VPS13B: variants seen among roughly 807,000 people sequenced by gnomAD.
VPS13B encodes the protein intermembrane lipid transfer protein VPS13B.
VPS13B carries 285 observed loss-of-function variants against 426.4 expected under a neutral mutation model. The observed-to-expected ratio is 0.67, with a 90% CI of 0.61 to 0.74. VPS13B has a LOEUF of 0.74. Ranked by LOEUF, VPS13B falls within the 30% of genes least tolerant of loss-of-function variation. The pLI, the probability that VPS13B is intolerant of heterozygous loss-of-function variation, is 0.00. For missense variants in VPS13B, 4,537 were observed against 4,782.6 expected (o/e 0.95, Z 1.51); for synonymous variants, 1,676 against 1,676.4 (o/e 1.00, Z 0.01).
chr8:99,828,398 T>TG (rs1563495249), intron 51 of VPS13B, among the ~76,000 whole-genome samples: 1 of 34,796 alleles, frequency 2.9e-5, no homozygotes, highest in Non-Finnish European at 5.7e-5. Context: ...ACCACCGTTT[T>TG]TTTTTTTTTT....
At chr8:99,703,213 G>T (rs540054494) in intron 36 of VPS13B, among the ~76,000 whole-genome samples, 2 of 152,154 alleles carry the variant, frequency 1.3e-5, no homozygotes, top group East Asian at 3.9e-4. Context: ...GGAATGAAAC[G>T]AAATGGTTAA....
chr8:99,262,429 C>T (rs1029718477), intron 17 of VPS13B, among the ~76,000 whole-genome samples: 2 of 152,096 alleles, frequency 1.3e-5, no homozygotes, highest in African/African-American at 4.8e-5. Context: ...CAGTCTTTGT[C>T]ACCTATTGAA....
Position 99,251,005 on chromosome 8 carries a change from T to C in VPS13B, c.2516-23193T>C, listed in dbSNP as rs149010484. Among the ~76,000 whole-genome samples the C allele has an allele frequency of 1.3e-3, 195 of 152,322 alleles. 2 individuals are homozygous for C. Among genetic ancestry groups the C allele is most frequent in the African/African-American group, 4.4e-3 (182 of 41,576 alleles). ...TAATTTCTATTTTTATTTTATATCCTGTGACCTTATAAAACTAAGCTCACC... is the reference window on the plus strand; with the variant it reads ...TAATTTCTATTTTTATTTTATATCCCGTGACCTTATAAAACTAAGCTCACC... On this transcript the variant is annotated intron_variant, in intron 17 of 61. Coordinates refer to ENST00000357162, the MANE Select transcript of VPS13B (RefSeq NM_152564.5).
chr8:99,515,315 T>C (rs145686334), intron 29 of VPS13B, among the ~76,000 whole-genome samples: 137 of 152,308 alleles, frequency 9.0e-4, no homozygotes, highest in African/African-American at 3.2e-3. Context: ...CCTCAACTAA[T>C]TGTAATTGCA....
chr8:99,312,555 CTTCCCTTT>C (rs1821050610), intron 19 of VPS13B, among the ~76,000 whole-genome samples: 1 of 152,234 alleles, frequency 6.6e-6, no homozygotes, highest in Admixed American at 6.5e-5. Flanking sequence ...GTCCGATGGG[CTTCCCTTT>C]GTGGGTAACC....
intron 19 of VPS13B, among the ~76,000 whole-genome samples, chr8:99,365,886 T>A (rs1812851826): frequency 6.6e-6 from 1 of 152,098 alleles, no homozygotes; most frequent in Non-Finnish European, 1.5e-5. Flanking sequence ...TTTTCATATG[T>A]TCCCATGTTC....
At chr8:99,517,764 T>G (rs1822165374) in intron 29 of VPS13B, among the ~76,000 whole-genome samples, 1 of 152,134 alleles carries the variant, frequency 6.6e-6, no homozygotes, top group African/African-American at 2.4e-5. Context: ...TTCATTTTCA[T>G]GTTGAAAATA....
rs769248367 is a variant in VPS13B at position 99,868,447 on chromosome 8, G to A, written c.11374G>A (p.Val3792Met). 3 of 1,613,126 alleles carry A rather than the reference G, an allele frequency of 1.9e-6. No homozygotes were observed. The highest frequency in any genetic ancestry group is 1.1e-5 in the South Asian group (1 of 90,846). The stretch of plus-strand genomic sequence containing the variant: ...GCCCATCGGAGGAGCTGCTGAGCTG[G>A]TGTCACAGACTGGCTATGGTAAGTC... ...TKPIGGAAEL[V>M]SQTGYGILHG... Residue 3792 changes from valine to methionine, a missense_variant, in exon 59 of 62, where the codon GTG (valine) becomes ATG (methionine). Around this residue, in one of 2 missense-constraint regions of VPS13B, gnomAD observed 4,311 missense variants for 4,474.3 expected, o/e 0.96. Coordinates refer to ENST00000357162, the MANE Select transcript of VPS13B (RefSeq NM_152564.5).
chr8:99,795,193 C>T (rs1206553081), intron 43 of VPS13B, among the ~76,000 whole-genome samples: 1 of 152,186 alleles, frequency 6.6e-6, no homozygotes, highest in Non-Finnish European at 1.5e-5. Context: ...GCCTGGAAAT[C>T]TACTTAGCTA....
rs986818900 is a variant in VPS13B, at chr8:99,498,281, A to C, written c.3871-3406A>C. Among the ~76,000 whole-genome samples, 5 of 152,142 alleles carry C rather than the reference A, an allele frequency of 3.3e-5. No individual in the cohort carries two copies. In the East Asian group the frequency reaches 9.6e-4, roughly 29 times the overall value. ...ATTTGCATTCAAAAACAATCATTAA[A>C]ATTTTTAAACATTTTACTATTAAAA... On this transcript the variant is annotated intron_variant, in intron 25 of 61. Transcript: ENST00000357162.
At chr8:99,728,833 T>C (rs1013148885) in intron 39 of VPS13B, among the ~76,000 whole-genome samples, 11 of 152,162 alleles carry the variant, frequency 7.2e-5, no homozygotes, top group East Asian at 1.9e-4. Flanking sequence ...CTGGAAACAA[T>C]TGCAAATTGC....
chr8:99,340,533 G>C (rs1016156286), intron 19 of VPS13B: 1 of 473,492 alleles, frequency 2.1e-6, no homozygotes, highest in African/African-American at 2.0e-5. Context: ...AAATGTGAAG[G>C]GGGTGGAGGT....
intron 3 of VPS13B, among the ~76,000 whole-genome samples, chr8:99,089,526 G>A (rs960708765): frequency 2.0e-5 from 3 of 152,160 alleles, no homozygotes; most frequent in African/African-American, 4.8e-5. Context: ...GCAGGACAAC[G>A]TTAGGAGGAA....
intron 3 of VPS13B, among the ~76,000 whole-genome samples, chr8:99,044,853 T>TAC (rs60056711): frequency 0.065 from 9,139 of 139,698 alleles, 370 homozygotes; most frequent in East Asian, 0.16. Flanking sequence ...TTCCATTTTA[T>TAC]ACACACACAC....
At chr8:99,834,051 G>T (rs574019075) in intron 52 of VPS13B, among the ~76,000 whole-genome samples, 1 of 152,320 alleles carries the variant, frequency 6.6e-6, no homozygotes, top group African/African-American at 2.4e-5. Flanking sequence ...TTTACCAAAT[G>T]CTAATGGACC....
At chr8:99,105,524 G>A (rs901465755) in intron 5 of VPS13B, among the ~76,000 whole-genome samples, 7 of 151,996 alleles carry the variant, frequency 4.6e-5, no homozygotes, top group South Asian at 4.2e-4. Context: ...GACTCTAGGC[G>A]CCTGCCAGCA....
At chr8:99,228,285 G>C (rs1018664450) in intron 17 of VPS13B, among the ~76,000 whole-genome samples, 2 of 152,032 alleles carry the variant, frequency 1.3e-5, no homozygotes, top group Admixed American at 1.3e-4. Flanking sequence ...GGAATGTTTG[G>C]CTTGGTTTTT....
chr8:99,301,816 G>A (rs775877290), intron 19 of VPS13B, among the ~76,000 whole-genome samples: 63 of 151,982 alleles, frequency 4.1e-4, no homozygotes, highest in Non-Finnish European at 8.5e-4. Context: ...AAATACAGAT[G>A]GGGTCTCATT....
chr8:99,843,204 A>G (rs1052221723), intron 54 of VPS13B, among the ~76,000 whole-genome samples: 2 of 152,104 alleles, frequency 1.3e-5, no homozygotes, highest in Non-Finnish European at 2.9e-5. Context: ...GTGCTCTAAC[A>G]CAGATTCAAA....
Sources: allele counts gnomAD v4.1 joint callset (sites outside exome capture counted in the v4.1 genomes callset), GRCh38; gene constraint gnomAD v4.1.1; regional missense constraint gnomAD v4.1.1; transcripts MANE v1.5; gene names NCBI Gene and HGNC (gene_info 2026-07-23, HGNC 2026-07-21).